The following LARP7 variants were observed in gnomAD, a reference collection of about 807,000 sequenced individuals.
LARP7 encodes the protein la-related protein 7.
In LARP7, 52 loss-of-function variants were observed where a neutral mutation model predicts 69.3. The observed-to-expected ratio is 0.75, with a 90% CI of 0.60 to 0.95. The LOEUF (loss-of-function observed/expected upper bound fraction) is 0.95. Ranked by LOEUF, LARP7 falls within the 40% of genes least tolerant of loss-of-function variation. The pLI is 0.00. For missense variants in LARP7, 733 were observed against 673.0 expected (o/e 1.09, Z -0.99); for synonymous variants, 254 against 215.9 (o/e 1.18, Z -1.55).
rs2149278721 is a variant in LARP7 at position 112,650,523 on chromosome 4, AG to A, written c.1358del (p.Ser453MetfsTer3). 1 of 1,613,724 alleles carries A rather than the reference AG, an allele frequency of 6.2e-7. No homozygotes were observed. The highest frequency in any genetic ancestry group is 8.5e-7 in the Non-Finnish European group (1 of 1,179,764). On this transcript the variant is annotated frameshift_variant, in exon 10 of 13. Coordinates refer to ENST00000344442, the MANE Select transcript of LARP7 (RefSeq NM_016648.4). LOFTEE classifies it high-confidence loss of function. ...KVNATGPQFVSGVIVKIISTE... is the reference protein window; with the variant it reads ...KVNATGPQFVXGVIVKIISTE... The stretch of plus-strand genomic sequence containing the variant: ...TAATGCAACAGGACCACAGTTCGTG[AG>A]TGGAGTGATTGTGAAGATCATTAGC...
At chr4:112,654,260 A>G (rs2048871594) in intron 12 of LARP7, 101 bp downstream of exon 12, 2 of 784,932 alleles carry the variant, frequency 2.5e-6, no homozygotes, top group Admixed American at 5.0e-5. Flanking sequence ...TTTTGCTATT[A>G]CCTAACAAAA....
At chr4:112,655,725 A>G (rs2048927434) in intron 12 of LARP7, among the ~76,000 whole-genome samples, 1 of 152,220 alleles carries the variant, frequency 6.6e-6, no homozygotes, top group Non-Finnish European at 1.5e-5. Flanking sequence ...GCTAGACAGA[A>G]AAATAAAGTG....
At chr4:112,649,418 G>GA in intron 8 of LARP7, 117 bp from the exon 9 acceptor site, 1 of 816,824 alleles carries the variant, frequency 1.2e-6, no homozygotes, top group Non-Finnish European at 1.8e-6. Context: ...TGTGTTTAAA[G>GA]AAACAGGAAA....
chr4:112,642,634 G>A (rs963720577), intron 1 of LARP7, among the ~76,000 whole-genome samples: 5 of 152,206 alleles, frequency 3.3e-5, no homozygotes, highest in African/African-American at 1.2e-4. Flanking sequence ...GCAAAAGATA[G>A]GGTAGATGCA....
chr4:112,638,971 C>A (rs1175457962), intron 1 of LARP7, among the ~76,000 whole-genome samples: 1 of 152,092 alleles, frequency 6.6e-6, no homozygotes, highest in Non-Finnish European at 1.5e-5. Flanking sequence ...ACATAGAGTC[C>A]GTGGTGATAA....
chr4:112,648,233 A>G (rs1305515820), intron 8 of LARP7: 1 of 532,618 alleles, frequency 1.9e-6, no homozygotes, highest in Non-Finnish European at 3.9e-6. Context: ...AAGCAAGTAC[A>G]TCCACGTTTA....
At chr4:112,648,223 A>T (rs760031880) in intron 8 of LARP7, 1 of 533,040 alleles carries the variant, frequency 1.9e-6, no homozygotes, top group Non-Finnish European at 3.9e-6. Flanking sequence ...TTTAGTTTCA[A>T]AGCAAGTACA....
At chr4:112,648,143 AT>A in intron 8 of LARP7, 1 of 521,624 alleles carries the variant, frequency 1.9e-6, no homozygotes, top group Middle Eastern at 3.3e-4. Flanking sequence ...CAATAAAGTT[AT>A]TTTCTAAAAA....
chr4:112,648,239 GT>G (rs1560938845), intron 8 of LARP7: 1 of 532,112 alleles, frequency 1.9e-6, no homozygotes. Context: ...GTACATCCAC[GT>G]TTAAGTGGTG....
chr4:112,644,350 A>G, intron 1 of LARP7: 1 of 427,966 alleles, frequency 2.3e-6, no homozygotes, highest in Non-Finnish European at 3.8e-6. Flanking sequence ...ACGTCCCTTA[A>G]TCTTACACTT....
At chr4:112,648,276 G>C (rs774640335) in intron 8 of LARP7, 5 of 528,370 alleles carry the variant, frequency 9.5e-6, no homozygotes, top group Non-Finnish European at 1.9e-5. Context: ...GAAAAAGTTA[G>C]AATCCTTTAA....
At chr4:112,646,163 G>A (rs1451125340) in intron 2 of LARP7, among the ~76,000 whole-genome samples, 188 bp from the exon 3 acceptor site, 1 of 151,980 alleles carries the variant, frequency 6.6e-6, no homozygotes, top group Non-Finnish European at 1.5e-5. Context: ...ATTTTTAGTA[G>A]AGATGGGGTT....
chr4:112,653,013 T>C, intron 10 of LARP7, 64 bp from the exon 11 acceptor site: 1 of 1,278,128 alleles, frequency 7.8e-7, no homozygotes, highest in Non-Finnish European at 1.1e-6. Context: ...ACCATTGGAA[T>C]AGTTTTAGAA....
intron 7 of LARP7, 34 bp downstream of exon 7, chr4:112,647,583 A>ATT (rs2048367416): frequency 5.5e-6 from 7 of 1,265,510 alleles, no homozygotes; most frequent in Non-Finnish European, 7.5e-6. Flanking sequence ...GATAAAACTA[A>ATT]TTAATTTTAA....
intron 11 of LARP7, 110 bp from the exon 12 acceptor site, chr4:112,653,958 A>C: frequency 1.3e-6 from 1 of 782,314 alleles, no homozygotes; most frequent in Non-Finnish European, 2.2e-6. Flanking sequence ...GTAGCATTAA[A>C]TATAATCAAA....
chr4:112,646,179 A>G (rs543077978), intron 2 of LARP7, among the ~76,000 whole-genome samples, 172 bp from the exon 3 acceptor site: 8 of 151,928 alleles, frequency 5.3e-5, no homozygotes, highest in East Asian at 1.9e-4. Flanking sequence ...GGGTTTCACT[A>G]TGTTGGCCAG....
chr4:112,646,327 T>C, intron 2 of LARP7, 24 bp from the exon 3 acceptor site: 1 of 1,152,310 alleles, frequency 8.7e-7, no homozygotes, highest in Non-Finnish European at 1.3e-6. Flanking sequence ...TACACTAACA[T>C]ATTAACTTTT....
In LARP7 at chr4:112,646,666, T is replaced by C. The variant is rs2048271042; in HGVS notation, c.382T>C (p.Tyr128His). ...AAAGGATGAGGATGAACGCACAGTG[T>C]ATGTGGTAAGCTTAAGAACCCGGGT... Reference protein sequence around the residue: ...RPKDEDERTVYVELLPKNVNH... With the variant: ...RPKDEDERTVHVELLPKNVNH... The change falls in exon 4 of 13, where the codon TAT becomes CAT. Residue 128 changes from tyrosine (Y) to histidine (H), a missense_variant. Transcript: ENST00000344442. The C allele has an allele frequency of 2.5e-6, 4 of 1,601,062 alleles. No homozygotes were observed. Among genetic ancestry groups the C allele is most frequent in the Non-Finnish European group, 3.4e-6 (4 of 1,174,792 alleles).
At position 112,650,542 on chromosome 4, in the gene LARP7, T is replaced by C; in HGVS notation, c.1376T>C (p.Ile459Thr). 1 of 1,613,784 alleles carries C rather than the reference T, an allele frequency of 6.2e-7. No homozygotes were observed. Reference protein sequence around the residue: ...PQFVSGVIVKIISTEPLPGRK... With the variant: ...PQFVSGVIVKTISTEPLPGRK... ...TTCGTGAGTGGAGTGATTGTGAAGA[T>C]CATTAGCACAGAGCCTCTACCTGGC... Residue 459 changes from isoleucine to threonine, a missense_variant, in exon 10 of 13, where the codon ATC becomes ACC. By Grantham distance (89) the Ile-to-Thr change is moderately conservative. Coordinates refer to ENST00000344442, the MANE Select transcript of LARP7 (RefSeq NM_016648.4).
Sources: gnomAD v4.1 joint callset for allele counts (sites outside exome capture counted in the v4.1 genomes callset) on GRCh38, gnomAD v4.1.1 for gene constraint, MANE v1.5 for transcripts, NCBI Gene and HGNC (gene_info 2026-07-23, HGNC 2026-07-21) for gene names.